GALK2: variants seen among roughly 807,000 people sequenced by gnomAD.
GALK2 encodes the protein N-acetylgalactosamine kinase.
A neutral mutation model predicts 52.4 loss-of-function variants in GALK2; 36 were observed. That is an observed-to-expected ratio of 0.69 (90% CI 0.53 to 0.91). The LOEUF (loss-of-function observed/expected upper bound fraction) is 0.91, where lower values mean the gene tolerates loss of function less well. Among genes scored for constraint, GALK2 ranks in the 40% least tolerant of loss-of-function variants. The pLI, the probability that GALK2 is intolerant of heterozygous loss-of-function variation, is 0.00. For missense variants in GALK2, 579 were observed against 559.1 expected (o/e 1.04, Z -0.36); for synonymous variants, 176 against 199.1 (o/e 0.88, Z 0.98).
chr15:49,195,812 G>A (rs2087175167), intron 1 of GALK2, among the ~76,000 whole-genome samples: 2 of 150,434 alleles, frequency 1.3e-5, no homozygotes, highest in Non-Finnish European at 2.9e-5. Flanking sequence ...TGGCAAAAGA[G>A]AGGGGCTTTT....
At chr15:49,332,857 T>C (rs2039045354), downstream of GALK2, among the ~76,000 whole-genome samples, 1 of 152,164 alleles carries the variant, frequency 6.6e-6, no homozygotes, top group Non-Finnish European at 1.5e-5. Context: ...TGGGATTACT[T>C]AGTCGGAGGT....
At chr15:49,286,662 A>G (rs992938926) in intron 7 of GALK2, among the ~76,000 whole-genome samples, 2 of 152,210 alleles carry the variant, frequency 1.3e-5, no homozygotes, top group Admixed American at 1.3e-4. Flanking sequence ...TGAACTCTTC[A>G]TAGTATTTGA....
chr15:49,343,112 A>G (rs1024186423), intron 3 of GALK2, among the ~76,000 whole-genome samples: 3 of 152,136 alleles, frequency 2.0e-5, no homozygotes, highest in African/African-American at 2.4e-5. Context: ...TATTCCTTCA[A>G]ATATGTTTTC....
downstream of GALK2, chr15:49,334,348 G>T: frequency 1.9e-6 from 1 of 527,572 alleles, no homozygotes; most frequent in Non-Finnish European, 2.4e-6. Flanking sequence ...TTACTAATTG[G>T]GAAAGAATAA....
At chr15:49,348,454 G>A (rs1190277725) in intron 3 of GALK2, among the ~76,000 whole-genome samples, 1 of 152,088 alleles carries the variant, frequency 6.6e-6, no homozygotes, top group Non-Finnish European at 1.5e-5. Flanking sequence ...AGACACATGT[G>A]AGGCAACCAC....
chr15:49,299,928 T>C (rs1013519383), intron 8 of GALK2, among the ~76,000 whole-genome samples: 1 of 151,958 alleles, frequency 6.6e-6, no homozygotes, highest in Admixed American at 6.6e-5. Context: ...TCTGTTGTTG[T>C]TGGGTGGAGT....
At chr15:49,341,612 A>G (rs2040741766) in intron 3 of GALK2, among the ~76,000 whole-genome samples, 1 of 152,290 alleles carries the variant, frequency 6.6e-6, no homozygotes, top group South Asian at 2.1e-4. Context: ...TCAATCTCCC[A>G]AAGTACTGGG....
intron 1 of GALK2, chr15:49,156,445 A>G: frequency 2.2e-6 from 1 of 462,238 alleles, no homozygotes; most frequent in South Asian, 1.8e-5. Context: ...GCCTCCTGCC[A>G]GAGCAGATTA....
At chr15:49,177,281 CTTTA>C (rs1270040238) in intron 1 of GALK2, among the ~76,000 whole-genome samples, 2 of 151,876 alleles carry the variant, frequency 1.3e-5, no homozygotes, top group Non-Finnish European at 2.9e-5. Context: ...TATATGCATA[CTTTA>C]TTTATTTTCA....
At chr15:49,342,127 G>A (rs76879465) in intron 3 of GALK2, among the ~76,000 whole-genome samples, 3,008 of 152,158 alleles carry the variant, frequency 0.02, 108 homozygotes, top group African/African-American at 0.069. Flanking sequence ...TTGTCAGTAC[G>A]GTGTTGAAGT....
chr15:49,254,027 A>G (rs1199024741), intron 5 of GALK2, among the ~76,000 whole-genome samples: 1 of 144,476 alleles, frequency 6.9e-6, no homozygotes, highest in African/African-American at 2.5e-5. Flanking sequence ...AAGTGCAGTT[A>G]GTCTGGCAAA....
Position 49,328,926 on chromosome 15 carries a change from A to G in GALK2, c.*767A>G, listed in dbSNP as rs1036354423. 42 of 1,198,888 alleles carry G rather than the reference A, an allele frequency of 3.5e-5. No homozygotes were observed. The African/African-American group carries it at 5.4e-4, about 15-fold the overall frequency. 74.3% of individuals were successfully genotyped at this position (1,198,888 alleles called of 1,614,324 possible). On this transcript the variant is annotated 3_prime_UTR_variant, in exon 10 of 10. Coordinates refer to ENST00000560031, the MANE Select transcript of GALK2 (RefSeq NM_002044.4). ...TAATAGAAAAACTTAGATAAAAAACACTTTAAGACTCTTCTATTCACATTG... is the reference window on the plus strand; with the variant it reads ...TAATAGAAAAACTTAGATAAAAAACGCTTTAAGACTCTTCTATTCACATTG...
At chr15:49,228,520 A>G (rs1015797849) in intron 3 of GALK2, among the ~76,000 whole-genome samples, 7 of 149,532 alleles carry the variant, frequency 4.7e-5, no homozygotes, top group African/African-American at 1.7e-4. Context: ...AGGCTTTCAA[A>G]TGCATGTTTT....
rs1476552224 is a variant in GALK2 at position 49,325,851 on chromosome 15, C to G, written c.1170-2101C>G. Among the ~76,000 whole-genome samples the G allele has an allele frequency of 2.6e-5, 4 of 152,210 alleles. No individual in the cohort carries two copies. The South Asian group carries it at 8.3e-4, about 32-fold the overall frequency. On this transcript the variant is annotated intron_variant, in intron 9 of 9. Coordinates refer to ENST00000560031, the MANE Select transcript of GALK2 (RefSeq NM_002044.4). The stretch of plus-strand genomic sequence containing the variant: ...CAAATATCTTTACCTACAAAGACTT[C>G]CAGCTTCTGCTCCCTGGAAACTAGT...
chr15:49,177,445 T>C (rs935319473), intron 1 of GALK2, among the ~76,000 whole-genome samples: 7 of 152,256 alleles, frequency 4.6e-5, no homozygotes, highest in East Asian at 1.9e-4. Context: ...TCATCACTTA[T>C]AGTTTTCAAA....
intron 2 of GALK2, among the ~76,000 whole-genome samples, chr15:49,208,656 A>G (rs909407100): frequency 1.3e-5 from 2 of 152,278 alleles, no homozygotes; most frequent in East Asian, 1.9e-4. Context: ...CTCTGTATAT[A>G]TGTGTTAAGT....
At chr15:49,341,038 T>G (rs1166968877) in intron 3 of GALK2, among the ~76,000 whole-genome samples, 1 of 152,198 alleles carries the variant, frequency 6.6e-6, no homozygotes, top group African/African-American at 2.4e-5. Context: ...CCCCATTGCT[T>G]GTTTTTGTTG....
rs1034087676 is a variant in GALK2 at position 49,204,694 on chromosome 15, T to G, written c.142+3444T>G. 6.2e-4 allele frequency among the ~76,000 whole-genome samples: 94 copies of G among 152,218 alleles called. 3 individuals carry two copies. The highest frequency in any genetic ancestry group is 5.9e-5 in the Non-Finnish European group (4 of 68,034). On this transcript the variant is annotated intron_variant, in intron 2 of 9. Transcript: ENST00000560031. Reference sequence around the variant, plus strand: ...AATTTTTTCAAAGTACTTTTATTTATTATTTTAAAATCTTATTTTTCCATA... The same window carrying G: ...AATTTTTTCAAAGTACTTTTATTTAGTATTTTAAAATCTTATTTTTCCATA...
chr15:49,204,947 A>C (rs551593507), intron 2 of GALK2, among the ~76,000 whole-genome samples: 34 of 152,228 alleles, frequency 2.2e-4, no homozygotes, highest in Non-Finnish European at 4.0e-4. Context: ...GAGAACATAC[A>C]ATGTTTGGTT....
Sources: allele counts gnomAD v4.1 joint callset (sites outside exome capture counted in the v4.1 genomes callset), GRCh38; gene constraint gnomAD v4.1.1; transcripts MANE v1.5; gene names NCBI Gene and HGNC (gene_info 2026-07-23, HGNC 2026-07-21).